The following PALS1 variants were observed in gnomAD, a reference collection of about 807,000 sequenced individuals.
The protein encoded by PALS1 is protein PALS1.
A neutral mutation model predicts 78.9 loss-of-function variants in PALS1; 31 were observed. That is an observed-to-expected ratio of 0.39 (90% CI 0.30 to 0.53). PALS1 has a LOEUF of 0.53. Among genes scored for constraint, PALS1 ranks in the 20% least tolerant of loss-of-function variants. The probability of loss-of-function intolerance (pLI) is 0.67; values close to 1 mark genes in which losing one functional copy is unlikely to be tolerated. For synonymous variants in PALS1, 276 were observed against 270.9 expected (o/e 1.02, Z -0.18); for missense variants, 704 against 826.5 (o/e 0.85, Z 1.82).
intron 1 of PALS1, among the ~76,000 whole-genome samples, chr14:67,260,539 A>G (rs1178182172): frequency 6.6e-6 from 1 of 152,220 alleles, no homozygotes; most frequent in Non-Finnish European, 1.5e-5. Flanking sequence ...AAAGGCGTAG[A>G]TTAAGTACTC....
chr14:67,278,408 A>C (rs1378580206), intron 2 of PALS1, among the ~76,000 whole-genome samples: 1 of 150,408 alleles, frequency 6.6e-6, no homozygotes, highest in Non-Finnish European at 1.5e-5. Context: ...GTCTCAATGT[A>C]GTTTTGTCCT....
intron 1 of PALS1, among the ~76,000 whole-genome samples, chr14:67,243,963 A>G (rs1811686541): frequency 6.6e-6 from 1 of 152,228 alleles, no homozygotes; most frequent in Non-Finnish European, 1.5e-5. Context: ...ACTTGGAACT[A>G]CATGAATGCT....
chr14:67,329,937 C>T (rs2141050823), intron 14 of PALS1, among the ~76,000 whole-genome samples: 1 of 150,404 alleles, frequency 6.6e-6, no homozygotes, highest in East Asian at 1.9e-4. Context: ...TGTAACCAAC[C>T]AGTTATGTAA....
chr14:67,291,119 T>C lies in PALS1; in HGVS notation c.368-1392T>C, dbSNP rs560790992. On this transcript the variant is annotated intron_variant, in intron 3 of 14. Coordinates refer to ENST00000261681, the MANE Select transcript of PALS1 (RefSeq NM_022474.4). ...ATAATAAGAGCAACCATAAATATAA[T>C]TAAGAGGTAAATGGAAATATTGGAA... 1.2e-4 allele frequency among the ~76,000 whole-genome samples: 19 copies of C among 152,056 alleles called. No homozygotes were observed. The South Asian group carries it at 3.9e-3, about 32-fold the overall frequency.
At chr14:67,302,344 A>G (rs2084943432) in intron 6 of PALS1, 66 bp from the exon 7 acceptor site, 6 of 1,239,298 alleles carry the variant, frequency 4.8e-6, no homozygotes, top group Non-Finnish European at 5.3e-6. Context: ...AATAGAATTT[A>G]AAAATAAATG....
intron 14 of PALS1, among the ~76,000 whole-genome samples, chr14:67,325,997 T>TC (rs1376952364): frequency 6.8e-6 from 1 of 146,244 alleles, no homozygotes. Context: ...TTTTTTTTTT[T>TC]TGTATTTTTA....
intron 1 of PALS1, among the ~76,000 whole-genome samples, chr14:67,250,754 C>T (rs755774583): frequency 6.6e-6 from 1 of 152,144 alleles, no homozygotes; most frequent in African/African-American, 2.4e-5. Context: ...TTAGAGTTAA[C>T]GAAAATAAAT....
intron 1 of PALS1, chr14:67,242,020 A>G (rs535000425): frequency 6.6e-6 from 1 of 152,358 alleles, no homozygotes; most frequent in African/African-American, 2.4e-5. Flanking sequence ...TAAACACGCA[A>G]ACAGTTCCTG....
At chr14:67,312,339 A>G (rs2085102749) in intron 8 of PALS1, among the ~76,000 whole-genome samples, 188 bp from the exon 9 acceptor site, 1 of 152,124 alleles carries the variant, frequency 6.6e-6, no homozygotes, top group African/African-American at 2.4e-5. Context: ...CCACTTTGGG[A>G]GGCTGAGGGA....
Position 67,335,612 on chromosome 14 carries a change from T to C in PALS1, c.*2656T>C, listed in dbSNP as rs1326713736. On this transcript the variant is annotated 3_prime_UTR_variant, in exon 15 of 15. Coordinates refer to ENST00000261681, the MANE Select transcript of PALS1 (RefSeq NM_022474.4). ...TTTCTCATGGCCTAAGAAATAAGGA[T>C]CAATAAGGAATGATTTGAATGTAAT... The C allele has an allele frequency of 6.6e-6, 1 of 152,588 alleles. No individual in the cohort carries two copies. Among genetic ancestry groups the C allele is most frequent in the African/African-American group, 2.4e-5 (1 of 41,432 alleles). The allele number at this position is 152,588 out of a possible 1,614,324, so 9.5% of individuals were successfully genotyped here.
intron 4 of PALS1, among the ~76,000 whole-genome samples, chr14:67,293,697 A>G (rs2084805423): frequency 6.6e-6 from 1 of 152,226 alleles, no homozygotes; most frequent in Non-Finnish European, 1.5e-5. Context: ...GGATAGAAGG[A>G]AAAGACGAGT....
intron 8 of PALS1, among the ~76,000 whole-genome samples, chr14:67,304,534 C>T (rs889685810): frequency 6.6e-6 from 1 of 152,120 alleles, no homozygotes. Flanking sequence ...CGAAGGAAGC[C>T]AGTCACAAAA....
chr14:67,243,638 G>A (rs1035835072), intron 1 of PALS1, among the ~76,000 whole-genome samples: 1 of 151,534 alleles, frequency 6.6e-6, no homozygotes, highest in African/African-American at 2.4e-5. Flanking sequence ...GACTACAGGT[G>A]CCCGCCACCA....
chr14:67,272,867 C>T lies in PALS1; in HGVS notation c.-154+3084C>T, dbSNP rs576604936. Among the ~76,000 whole-genome samples, 10 of 152,198 alleles carry T rather than the reference C, an allele frequency of 6.6e-5. No individual in the cohort carries two copies. The South Asian group carries it at 1.0e-3, about 16-fold the overall frequency. On this transcript the variant is annotated intron_variant, in intron 2 of 14. Coordinates refer to ENST00000261681, the MANE Select transcript of PALS1 (RefSeq NM_022474.4). ...ATGTTTTTGTAGAGATGGGGTATCA[C>T]CATATTGCCCAGGCTGGTCTCAAAC... is the stretch of plus-strand genomic sequence containing the variant.
intron 1 of PALS1, among the ~76,000 whole-genome samples, chr14:67,244,441 C>T (rs1249990236): frequency 6.6e-6 from 1 of 152,210 alleles, no homozygotes; most frequent in African/African-American, 2.4e-5. Context: ...TTTTGCTAAT[C>T]TGGTGGATGA....
At chr14:67,324,645 C>G (rs2085322429) in intron 14 of PALS1, among the ~76,000 whole-genome samples, 1 of 152,108 alleles carries the variant, frequency 6.6e-6, no homozygotes, top group Non-Finnish European at 1.5e-5. Context: ...AGTGTAGTGG[C>G]ATGTTCATGG....
In PALS1 at chr14:67,258,990, G is replaced by T. The variant is rs369755450; in HGVS notation, c.-236-10711G>T. 2.1e-4 allele frequency among the ~76,000 whole-genome samples: 32 copies of T among 151,748 alleles called. No homozygotes were observed. The East Asian group carries it at 3.4e-3, about 16-fold the overall frequency. ...CCCGAGTAGCTGGGACTACAGGCGCGTGCCACCATGCCTGGCTAATTTTTG... is the reference window on the plus strand; with the variant it reads ...CCCGAGTAGCTGGGACTACAGGCGCTTGCCACCATGCCTGGCTAATTTTTG... On this transcript the variant is annotated intron_variant, in intron 1 of 14. Transcript: ENST00000261681.
intron 4 of PALS1, 92 bp downstream of exon 4, chr14:67,292,811 A>G (rs766976644): frequency 5.5e-6 from 5 of 910,064 alleles, no homozygotes; most frequent in Non-Finnish European, 8.4e-6. Flanking sequence ...TGACTATAAG[A>G]TTTGTTTGAA....
Position 67,312,540 on chromosome 14 carries a change from C to T in PALS1, c.1055C>T (p.Ala352Val). 1 of 1,580,222 alleles carries T rather than the reference C, an allele frequency of 6.3e-7. No individual in the cohort carries two copies. The highest frequency in any genetic ancestry group is 8.6e-7 in the Non-Finnish European group (1 of 1,162,134). The change falls in exon 9 of 15, where the codon GCT becomes GTT. Residue 352 changes from alanine (A) to valine (V), a missense_variant. Physicochemically the swap from Ala to Val is moderately conservative, Grantham distance 64. Coordinates refer to ENST00000261681, the MANE Select transcript of PALS1 (RefSeq NM_022474.4). ...PAKETVIHVK[A>V]HFDYDPSDDP... ...TTTATCTTTTAGATCCATGTAAAAG[C>T]TCATTTTGACTATGACCCCTCAGAT... is the stretch of plus-strand genomic sequence containing the variant.
Sources: gnomAD v4.1 joint callset for allele counts (sites outside exome capture counted in the v4.1 genomes callset) on GRCh38, gnomAD v4.1.1 for gene constraint, MANE v1.5 for transcripts, NCBI Gene and HGNC (gene_info 2026-07-23, HGNC 2026-07-21) for gene names.